KIAA0825: variants seen among roughly 807,000 people sequenced by gnomAD.
KIAA0825 encodes uncharacterized protein KIAA0825.
In KIAA0825, 119 loss-of-function variants were observed where a neutral mutation model predicts 147.6. The ratio of observed to expected loss-of-function variants is 0.81; its 90% CI spans 0.69 to 0.94. The LOEUF (loss-of-function observed/expected upper bound fraction) is 0.94. KIAA0825 is among the 40% of genes least tolerant of loss of function. KIAA0825 has a pLI of 0.00. For synonymous variants in KIAA0825, 470 were observed against 518.1 expected, an observed-to-expected ratio of 0.91 and a Z score of 1.26; for missense variants, 1,381 against 1,472.7, an observed-to-expected ratio of 0.94 and a Z score of 1.02.
At chr5:94,463,756 A>G (rs778578000) in intron 11 of KIAA0825, among the ~76,000 whole-genome samples, 4 of 152,050 alleles carry the variant, frequency 2.6e-5, no homozygotes, top group Admixed American at 6.5e-5. Context: ...TTCATTAAAT[A>G]TACTACCCAT....
chr5:94,573,271 T>TG (rs34792806), intron 2 of KIAA0825, among the ~76,000 whole-genome samples: 5 of 26,630 alleles, frequency 1.9e-4, no homozygotes, highest in African/African-American at 1.0e-3. Context: ...TTTTTAAGTG[T>TG]TTTTTTTTTT....
At position 94,255,707 on chromosome 5, in the gene KIAA0825, CTTTTTTTTTT is replaced by C. The variant is rs57646287; in HGVS notation, c.3711-101593_3711-101584del. Among the ~76,000 whole-genome samples the C allele has an allele frequency of 3.1e-3, 147 of 47,812 alleles. 2 individuals carry two copies. In the East Asian group the frequency reaches 0.081, roughly 26 times the overall value. The allele number at this position is 47,812 out of a possible 152,430, so 31.4% of individuals were successfully genotyped here. On this transcript the variant is annotated intron_variant, in intron 20 of 20. Coordinates refer to ENST00000682413, the MANE Select transcript of KIAA0825 (RefSeq NM_001145678.3). ...TACTTAGAACTTTTCAGAATTATGG[CTTTTTTTTTT>C]TTTTTTTTTTTTTTTTTTTGAGACA...
At chr5:94,171,423 T>C (rs1768602306) in intron 20 of KIAA0825, among the ~76,000 whole-genome samples, 1 of 152,202 alleles carries the variant, frequency 6.6e-6, no homozygotes, top group Non-Finnish European at 1.5e-5. Context: ...AACAGACTAA[T>C]ACAGAGTGCA....
rs1339650023 is a variant in KIAA0825 at position 94,462,579 on chromosome 5, A to G, written c.2064-10T>C. On this transcript the variant is annotated splice_polypyrimidine_tract_variant and intron_variant, in intron 11 of 20. Transcript: ENST00000682413. ...TGTTGTGACATCAAGTCTGTTGGAA[A>G]GAAAGAAAAGAAAATCATGTTAAAC... 1 of 1,455,444 alleles carries G rather than the reference A, an allele frequency of 6.9e-7. No homozygotes were observed. Among genetic ancestry groups the G allele is most frequent in the Admixed American group, 2.8e-5 (1 of 36,102 alleles). The allele number at this position is 1,455,444 out of a possible 1,614,324, so 90.2% of individuals were successfully genotyped here.
chr5:94,465,994 T>G (rs1760443520), intron 10 of KIAA0825, among the ~76,000 whole-genome samples: 1 of 152,230 alleles, frequency 6.6e-6, no homozygotes, highest in South Asian at 2.1e-4. Context: ...AATGCATTCC[T>G]CAAGCATTAT....
intron 5 of KIAA0825, among the ~76,000 whole-genome samples, chr5:94,508,755 A>G (rs935878547): frequency 3.3e-5 from 5 of 152,044 alleles, no homozygotes; most frequent in Admixed American, 2.0e-4. Flanking sequence ...TTCATTTCCT[A>G]TGTGCTCTGT....
intron 20 of KIAA0825, among the ~76,000 whole-genome samples, chr5:94,341,204 T>C (rs1458877482): frequency 6.6e-6 from 1 of 152,212 alleles, no homozygotes; most frequent in Non-Finnish European, 1.5e-5. Context: ...TAATATACTA[T>C]GTAAGCAGAG....
At chr5:94,425,602 C>A (rs1199508186) in intron 14 of KIAA0825, among the ~76,000 whole-genome samples, 1 of 152,010 alleles carries the variant, frequency 6.6e-6, no homozygotes, top group Non-Finnish European at 1.5e-5. Context: ...CAGAGTGAGA[C>A]CCCATCTCAA....
At chr5:94,471,928 T>TTC (rs1761253026) in intron 8 of KIAA0825, among the ~76,000 whole-genome samples, 197 bp from the exon 9 acceptor site, 1 of 152,152 alleles carries the variant, frequency 6.6e-6, no homozygotes, top group African/African-American at 2.4e-5. Flanking sequence ...AAAACAATGC[T>TTC]TCTCTCTATA....
intron 15 of KIAA0825, chr5:94,416,007 G>C (rs897900927): frequency 6.6e-5 from 10 of 152,106 alleles, no homozygotes; most frequent in Admixed American, 6.5e-4. Flanking sequence ...GAGGGTGGCA[G>C]AACTTTCAAG....
intron 2 of KIAA0825, among the ~76,000 whole-genome samples, chr5:94,548,643 G>A (rs1339816752): frequency 1.3e-5 from 2 of 152,002 alleles, no homozygotes; most frequent in Non-Finnish European, 2.9e-5. Flanking sequence ...AAAAAACCAA[G>A]ACCCAGTGGT....
intron 2 of KIAA0825, among the ~76,000 whole-genome samples, chr5:94,577,642 G>A (rs555372727): frequency 1.3e-5 from 2 of 152,066 alleles, no homozygotes; most frequent in Non-Finnish European, 2.9e-5. Flanking sequence ...CCAAAAACAT[G>A]CCAACTCACT....
intron 20 of KIAA0825, among the ~76,000 whole-genome samples, chr5:94,319,616 T>G (rs1265667042): frequency 6.6e-6 from 1 of 151,948 alleles, no homozygotes. Context: ...TTTGTTTCTT[T>G]CATATCTCAC....
chr5:94,548,363 T>C (rs1471461824), intron 2 of KIAA0825, among the ~76,000 whole-genome samples: 1 of 152,120 alleles, frequency 6.6e-6, no homozygotes. Context: ...GGTTATAGGA[T>C]AGTATTTGCA....
At chr5:94,253,824 T>A (rs1776101333) in intron 20 of KIAA0825, among the ~76,000 whole-genome samples, 1 of 152,152 alleles carries the variant, frequency 6.6e-6, no homozygotes, top group African/African-American at 2.4e-5. Flanking sequence ...CCAAAAGATA[T>A]CATCAATCCC....
intron 15 of KIAA0825, among the ~76,000 whole-genome samples, chr5:94,404,516 C>T (rs1025502174): frequency 2.0e-5 from 3 of 151,928 alleles, no homozygotes; most frequent in African/African-American, 7.3e-5. Context: ...TAGAATCTTA[C>T]CAAGAGTTTC....
rs75560903 is a variant in KIAA0825 at position 94,485,187 on chromosome 5, T to C, written c.971-257A>G. Among the ~76,000 whole-genome samples the C allele has an allele frequency of 4.9e-3, 748 of 151,894 alleles. 8 individuals carry two copies. Among genetic ancestry groups the C allele is most frequent in the African/African-American group, 0.017 (686 of 41,506 alleles). On this transcript the variant is annotated intron_variant, in intron 5 of 20. Transcript: ENST00000682413. ...CGATTCTCAGAGTTATAAATAGAAATTTGATTTCTTGTAAAATCACATCTT... is the reference window on the plus strand; with the variant it reads ...CGATTCTCAGAGTTATAAATAGAAACTTGATTTCTTGTAAAATCACATCTT...
chr5:94,408,489 G>A (rs2150660572), intron 15 of KIAA0825, among the ~76,000 whole-genome samples: 1 of 151,666 alleles, frequency 6.6e-6, no homozygotes, highest in Admixed American at 6.6e-5. Flanking sequence ...TGGGATTACA[G>A]GCACCCACCA....
intron 20 of KIAA0825, among the ~76,000 whole-genome samples, chr5:94,176,051 C>A (rs1374784791): frequency 6.6e-6 from 1 of 152,032 alleles, no homozygotes; most frequent in Non-Finnish European, 1.5e-5. Flanking sequence ...TGGTTTGCTC[C>A]TGCCAAGACC....
Sources: allele counts gnomAD v4.1 joint callset (sites outside exome capture counted in the v4.1 genomes callset), GRCh38; gene constraint gnomAD v4.1.1; transcripts MANE v1.5; gene names NCBI Gene and HGNC (gene_info 2026-07-23, HGNC 2026-07-21).